GABRA3: variants seen among roughly 807,000 people sequenced by gnomAD.
The protein encoded by GABRA3 is gamma-aminobutyric acid receptor subunit alpha-3.
A neutral mutation model predicts 30.1 loss-of-function variants in GABRA3; 10 were observed. The observed-to-expected ratio is 0.33, with a 90% CI of 0.20 to 0.56. The LOEUF (loss-of-function observed/expected upper bound fraction) is 0.56. GABRA3 is among the 20% of genes least tolerant of loss of function. GABRA3 has a pLI of 0.89. For synonymous variants in GABRA3, 151 were observed against 146.8 expected (o/e 1.03, Z -0.21); for missense variants, 233 against 392.0 (o/e 0.59, Z 3.42).
At chrX:152,308,820 A>G (rs1343669322) in intron 3 of GABRA3, among the ~76,000 whole-genome samples, 1 of 112,449 alleles carries the variant, frequency 8.9e-6, no homozygotes. Context: ...AATGTCAGAC[A>G]TAGAATTCAG....
Position 152,386,586 on chromosome X carries a change from A to G in GABRA3, c.-26-21990T>C, listed in dbSNP as rs1466212374. Among the ~76,000 whole-genome samples, 3 of 107,891 alleles carry G rather than the reference A, an allele frequency of 2.8e-5. No homozygotes were observed. The Admixed American group carries it at 3.0e-4, about 11-fold the overall frequency. The allele number at this position is 107,891 out of a possible 115,157, so 93.7% of individuals were successfully genotyped here. On this transcript the variant is annotated intron_variant, in intron 1 of 9. Coordinates refer to ENST00000370314, the MANE Select transcript of GABRA3 (RefSeq NM_000808.4). ...GGCCATCAGAGAAATGCAAATCGAAACCACAATGAGATACCATCTCACACC... is the reference window on the plus strand; with the variant it reads ...GGCCATCAGAGAAATGCAAATCGAAGCCACAATGAGATACCATCTCACACC...
intron 3 of GABRA3, among the ~76,000 whole-genome samples, chrX:152,295,745 AG>A (rs1279960211): frequency 3.6e-5 from 4 of 112,325 alleles, no homozygotes; most frequent in African/African-American, 1.3e-4. Context: ...CGTTTACCTC[AG>A]TTTGAAATGC....
chrX:152,406,292 G>A (rs771046634), intron 1 of GABRA3, among the ~76,000 whole-genome samples: 27 of 110,383 alleles, frequency 2.4e-4, no homozygotes, highest in Non-Finnish European at 5.1e-4. Context: ...ATGGCTGAAT[G>A]GATTTAAGAA....
intron 5 of GABRA3, among the ~76,000 whole-genome samples, chrX:152,235,413 G>A (rs1364217162): frequency 5.4e-5 from 6 of 111,249 alleles, no homozygotes; most frequent in Non-Finnish European, 1.1e-4. Flanking sequence ...AGAAATAACA[G>A]ACATCTAAAT....
intron 3 of GABRA3, among the ~76,000 whole-genome samples, chrX:152,287,418 A>T (rs1939317196): frequency 9.0e-6 from 1 of 110,621 alleles, no homozygotes; most frequent in Non-Finnish European, 1.9e-5. Context: ...TTCTCATGAT[A>T]ATGAGTGAAT....
chrX:152,375,664 A>G (rs1454183512), intron 1 of GABRA3, among the ~76,000 whole-genome samples: 1 of 112,198 alleles, frequency 8.9e-6, no homozygotes, highest in Admixed American at 9.4e-5. Context: ...TTTGGGATCA[A>G]TCCACAAACA....
chrX:152,324,523 A>C (rs1569396791), intron 3 of GABRA3, among the ~76,000 whole-genome samples: 1 of 112,130 alleles, frequency 8.9e-6, no homozygotes. Flanking sequence ...GGAAAAATTA[A>C]ATAGATTAGA....
intron 2 of GABRA3, among the ~76,000 whole-genome samples, chrX:152,349,013 C>T (rs1940433447): frequency 1.8e-5 from 2 of 111,760 alleles, no homozygotes; most frequent in Non-Finnish European, 3.8e-5. Context: ...AAAGATTTAT[C>T]TTCAGCATGT....
chrX:152,302,753 C>T (rs1939653176), intron 3 of GABRA3, among the ~76,000 whole-genome samples: 1 of 110,216 alleles, frequency 9.1e-6, no homozygotes, highest in Non-Finnish European at 1.9e-5. Flanking sequence ...TCTTGTAGTC[C>T]CCAGGGTCTA....
chrX:152,421,162 C>T (rs1010563663), intron 1 of GABRA3, among the ~76,000 whole-genome samples: 1 of 108,914 alleles, frequency 9.2e-6, no homozygotes, highest in African/African-American at 3.3e-5. Context: ...TTAATATATA[C>T]CTTTCGTTAT....
intron 1 of GABRA3, among the ~76,000 whole-genome samples, chrX:152,379,243 T>TTAAAA (rs1337587951): frequency 2.5e-4 from 28 of 111,851 alleles, no homozygotes; most frequent in African/African-American, 9.1e-4. Context: ...ATTTCAATTA[T>TTAAAA]TAAAATAATA....
chrX:152,332,836 C>A (rs1234435097), intron 3 of GABRA3, among the ~76,000 whole-genome samples: 1 of 112,406 alleles, frequency 8.9e-6, no homozygotes, highest in Non-Finnish European at 1.9e-5. Context: ...CCACAAGCAT[C>A]ATCTTGCTTC....
At chrX:152,279,543 G>A (rs1337561656) in intron 4 of GABRA3, among the ~76,000 whole-genome samples, 1 of 111,484 alleles carries the variant, frequency 9.0e-6, no homozygotes. Flanking sequence ...GTCAGGTAGT[G>A]TGATGCCTCC....
At chrX:152,197,248 G>A (rs1310360490) in intron 8 of GABRA3, among the ~76,000 whole-genome samples, 2 of 111,198 alleles carry the variant, frequency 1.8e-5, no homozygotes, top group African/African-American at 3.3e-5. Context: ...AAAGTCAAAC[G>A]CTCATACAAA....
chrX:152,284,779 T>C (rs1207744119), intron 3 of GABRA3, 44 bp from the exon 4 acceptor site: 1 of 979,817 alleles, frequency 1.0e-6, no homozygotes, highest in African/African-American at 1.9e-5. Flanking sequence ...GGAAAGGCTT[T>C]TGTCTTAGCT....
chrX:152,255,854 A>T lies in GABRA3; in HGVS notation c.475T>A (p.Ser159Thr). ...GGCGTGGTCATGTTATGAGCCACTG[A>T]TTTCTTGCCATTGTGGAAGAAGGTG... ...PDTFFHNGKKSVAHNMTTPNK... is the reference protein window; with the variant it reads ...PDTFFHNGKKTVAHNMTTPNK... Residue 159 changes from serine (S) to threonine (T), a missense_variant, in exon 5 of 10, where the codon TCA becomes ACA. Ser to Thr is a moderately conservative substitution (Grantham distance 58). Coordinates refer to ENST00000370314, the MANE Select transcript of GABRA3 (RefSeq NM_000808.4). The T allele has an allele frequency of 8.3e-7, 1 of 1,211,195 alleles. No individual in the cohort carries two copies. Among genetic ancestry groups the T allele is most frequent in the Non-Finnish European group, 1.1e-6 (1 of 895,283 alleles).
At chrX:152,275,739 A>G (rs1939071795) in intron 4 of GABRA3, among the ~76,000 whole-genome samples, 1 of 108,877 alleles carries the variant, frequency 9.2e-6, no homozygotes, top group African/African-American at 3.3e-5. Flanking sequence ...GGCCTGGACA[A>G]CAGAGTGAGA....
intron 6 of GABRA3, among the ~76,000 whole-genome samples, chrX:152,220,398 T>C (rs1426308800): frequency 1.8e-5 from 2 of 112,095 alleles, no homozygotes; most frequent in Non-Finnish European, 3.8e-5. Context: ...TGTAATATAA[T>C]TGTCATTGCT....
intron 1 of GABRA3, among the ~76,000 whole-genome samples, chrX:152,396,569 A>C (rs1219497423): frequency 1.8e-5 from 2 of 112,264 alleles, no homozygotes; most frequent in African/African-American, 6.5e-5. Context: ...GCCATAGTAC[A>C]GTGTGCTCAC....
Sources: gnomAD v4.1 joint callset for allele counts (sites outside exome capture counted in the v4.1 genomes callset) on GRCh38, gnomAD v4.1.1 for gene constraint, MANE v1.5 for transcripts, NCBI Gene and HGNC (gene_info 2026-07-23, HGNC 2026-07-21) for gene names.